TTLL5: variants seen among roughly 807,000 people sequenced by gnomAD.
The protein encoded by TTLL5 is tubulin polyglutamylase TTLL5.
Under a neutral mutation model 168.4 loss-of-function variants are expected in TTLL5, and 132 were observed. The ratio of observed to expected loss-of-function variants is 0.78; its 90% CI spans 0.68 to 0.91. The LOEUF (loss-of-function observed/expected upper bound fraction) is 0.91, where lower values mean the gene tolerates loss of function less well. Ranked by LOEUF, TTLL5 falls within the 40% of genes least tolerant of loss-of-function variation. The pLI is 0.00. For missense variants in TTLL5, 1,545 were observed against 1,581.5 expected (o/e 0.98, Z 0.39); for synonymous variants, 546 against 558.6 (o/e 0.98, Z 0.32).
chr14:75,926,431 T>G (rs917646364), intron 31 of TTLL5, among the ~76,000 whole-genome samples: 11 of 152,172 alleles, frequency 7.2e-5, no homozygotes, highest in Non-Finnish European at 1.6e-4. Context: ...TTGATGCAGT[T>G]TCTTCATAGC....
At chr14:75,773,959 G>GAGAGAA (rs1555344558) in intron 21 of TTLL5, among the ~76,000 whole-genome samples, 465 of 34,108 alleles carry the variant, frequency 0.014, no homozygotes, top group Middle Eastern at 0.041. Context: ...GAGAGAGAAA[G>GAGAGAA]AGAGAGAGAG....
intron 30 of TTLL5, among the ~76,000 whole-genome samples, chr14:75,901,117 A>G (rs886376236): frequency 6.6e-6 from 1 of 152,208 alleles, no homozygotes; most frequent in African/African-American, 2.4e-5. Flanking sequence ...AGGCAGATAG[A>G]CCCAACAAAA....
chr14:75,721,889 A>G (rs1349100474), intron 12 of TTLL5, among the ~76,000 whole-genome samples: 5 of 152,232 alleles, frequency 3.3e-5, no homozygotes, highest in Non-Finnish European at 7.3e-5. Context: ...AGAAGATGGT[A>G]GATAAATCAG....
chr14:75,707,964 C>T (rs1886777647), intron 9 of TTLL5, among the ~76,000 whole-genome samples: 1 of 152,180 alleles, frequency 6.6e-6, no homozygotes, highest in Non-Finnish European at 1.5e-5. Flanking sequence ...TAAACATCTT[C>T]CCCAGCACTG....
intron 31 of TTLL5, among the ~76,000 whole-genome samples, chr14:75,942,250 G>A (rs528270984): frequency 7.9e-5 from 12 of 152,198 alleles, no homozygotes; most frequent in African/African-American, 2.9e-4. Context: ...GCACTGGCCT[G>A]GAAGTACAGA....
At chr14:75,817,270 G>C (rs557335308) in intron 27 of TTLL5, among the ~76,000 whole-genome samples, 2 of 151,976 alleles carry the variant, frequency 1.3e-5, no homozygotes, top group African/African-American at 2.4e-5. Flanking sequence ...GAGCCACCAC[G>C]CCCAGCCTCT....
At chr14:75,844,475 T>G (rs1363170722) in intron 28 of TTLL5, among the ~76,000 whole-genome samples, 3 of 152,230 alleles carry the variant, frequency 2.0e-5, no homozygotes, top group Admixed American at 6.5e-5. Flanking sequence ...GTTATGATTT[T>G]CTGTTTCTCA....
At chr14:75,936,871 C>G (rs1030293058) in intron 31 of TTLL5, among the ~76,000 whole-genome samples, 9 of 152,286 alleles carry the variant, frequency 5.9e-5, no homozygotes, top group Admixed American at 5.9e-4. Flanking sequence ...AAACCCTAAG[C>G]AGATGGGAAG....
At chr14:75,689,136 T>G (rs61097513) in intron 5 of TTLL5, among the ~76,000 whole-genome samples, 16,508 of 152,218 alleles carry the variant, frequency 0.11, 1,176 homozygotes, top group East Asian at 0.38. Flanking sequence ...TGTCACGTCA[T>G]GAAGGCACTT....
intron 6 of TTLL5, among the ~76,000 whole-genome samples, chr14:75,696,797 G>A (rs988647563): frequency 6.6e-6 from 1 of 152,076 alleles, no homozygotes; most frequent in Non-Finnish European, 1.5e-5. Context: ...AGCAAATAAC[G>A]TGTGTATATG....
At chr14:75,822,644 T>G (rs1341275369) in intron 28 of TTLL5, among the ~76,000 whole-genome samples, 1 of 152,160 alleles carries the variant, frequency 6.6e-6, no homozygotes, top group East Asian at 1.9e-4. Context: ...ACTCTGCAAA[T>G]GGTGTTATTT....
In TTLL5 at chr14:75,863,851, G is replaced by A. The variant is rs1266456207; in HGVS notation, c.3511G>A (p.Ala1171Thr). Residue 1171 changes from alanine (A) to threonine (T), a missense_variant, in exon 29 of 32, where the codon GCC (alanine) becomes ACC (threonine). Transcript: ENST00000298832. Reference protein sequence around the residue: ...QSRQLLDQSRARHQAIFGSQT... With the variant: ...QSRQLLDQSRTRHQAIFGSQT... Reference sequence around the variant, plus strand: ...CCGGCAGCTCCTGGACCAGAGTCGAGCCCGGCACCAGGTAATTCAAGATAA... The same window carrying A: ...CCGGCAGCTCCTGGACCAGAGTCGAACCCGGCACCAGGTAATTCAAGATAA... 2 of 1,482,306 alleles carry A rather than the reference G, an allele frequency of 1.3e-6. No homozygotes were observed. Among genetic ancestry groups the A allele is most frequent in the South Asian group, 1.1e-5 (1 of 88,580 alleles). 91.8% of individuals were successfully genotyped at this position (1,482,306 alleles called of 1,614,324 possible).
At chr14:75,917,539 C>T (rs1396242419) in intron 31 of TTLL5, among the ~76,000 whole-genome samples, 1 of 152,196 alleles carries the variant, frequency 6.6e-6, no homozygotes, top group African/African-American at 2.4e-5. Flanking sequence ...TAGGGGGATG[C>T]CTGGCAGTAG....
At chr14:75,731,286 T>C (rs1480219344) in intron 12 of TTLL5, among the ~76,000 whole-genome samples, 1 of 151,906 alleles carries the variant, frequency 6.6e-6, no homozygotes, top group African/African-American at 2.4e-5. Context: ...AGAAAAAATA[T>C]AAGCAGTTTT....
intron 10 of TTLL5, among the ~76,000 whole-genome samples, chr14:75,719,312 C>A (rs1389777666): frequency 6.6e-6 from 1 of 152,160 alleles, no homozygotes; most frequent in Non-Finnish European, 1.5e-5. Context: ...ACTCACTCAC[C>A]CATTCCAACT....
At chr14:75,934,600 T>G (rs1395685246) in intron 31 of TTLL5, among the ~76,000 whole-genome samples, 1 of 152,176 alleles carries the variant, frequency 6.6e-6, no homozygotes, top group Non-Finnish European at 1.5e-5. Flanking sequence ...ATATGGTGCT[T>G]CTCATCCAGG....
At chr14:75,806,063 C>G (rs1349856999) in intron 27 of TTLL5, among the ~76,000 whole-genome samples, 1 of 148,716 alleles carries the variant, frequency 6.7e-6, no homozygotes, top group South Asian at 2.1e-4. Flanking sequence ...CAGTCTCACT[C>G]TGTTGCTCAG....
At chr14:75,929,833 C>T (rs892957797) in intron 31 of TTLL5, among the ~76,000 whole-genome samples, 4 of 152,116 alleles carry the variant, frequency 2.6e-5, no homozygotes, top group Non-Finnish European at 5.9e-5. Flanking sequence ...ATTAGTATCT[C>T]GTCACTTTGA....
chr14:75,734,236 G>A (rs1320150174), intron 14 of TTLL5, among the ~76,000 whole-genome samples, 186 bp downstream of exon 14: 3 of 152,192 alleles, frequency 2.0e-5, no homozygotes. Flanking sequence ...CTGTCCTGAG[G>A]CTGAACCACA....
Sources: gnomAD v4.1 joint callset for allele counts (sites outside exome capture counted in the v4.1 genomes callset) on GRCh38, gnomAD v4.1.1 for gene constraint, MANE v1.5 for transcripts, NCBI Gene and HGNC (gene_info 2026-07-23, HGNC 2026-07-21) for gene names.